TMEM61: variants seen among roughly 807,000 people sequenced by gnomAD.
TMEM61 encodes the protein transmembrane protein 61.
A neutral mutation model predicts 12.0 loss-of-function variants in TMEM61; 13 were observed. That is an observed-to-expected ratio of 1.08 (90% CI 0.70 to 1.72). The LOEUF (loss-of-function observed/expected upper bound fraction) is 1.72, where lower values mean the gene tolerates loss of function less well. Ranked by LOEUF, TMEM61 falls within the 40% of genes most tolerant of loss-of-function variation. The pLI is 0.00. For synonymous variants in TMEM61, 109 were observed against 121.4 expected (o/e 0.90, Z 0.67); for missense variants, 249 against 276.9 (o/e 0.90, Z 0.71).
intron 2 of TMEM61, among the ~76,000 whole-genome samples, chr1:54,991,153 G>C (rs931265758): frequency 2.6e-5 from 4 of 152,204 alleles, no homozygotes; most frequent in Non-Finnish European, 5.9e-5. Flanking sequence ...CTGGGGCGTG[G>C]GTGATCTGTC....
intron 1 of TMEM61, among the ~76,000 whole-genome samples, chr1:54,982,084 T>A (rs1644226661): frequency 6.6e-6 from 1 of 152,198 alleles, no homozygotes; most frequent in South Asian, 2.1e-4. Flanking sequence ...GCCTGCCGTC[T>A]TGCCATCTCA....
Position 54,992,183 on chromosome 1 carries a change from A to G in TMEM61, c.*80A>G. 1 of 1,511,902 alleles carries G rather than the reference A, an allele frequency of 6.6e-7. No homozygotes were observed. Among genetic ancestry groups the G allele is most frequent in the Non-Finnish European group, 8.9e-7 (1 of 1,125,756 alleles). 93.7% of individuals were successfully genotyped at this position (1,511,902 alleles called of 1,614,324 possible). ...TCTTATGCAGTGCCTGGGACACAGT[A>G]GGCACTCAGCAAACGTTCGTTGTTG... is the stretch of plus-strand genomic sequence containing the variant. On this transcript the variant is annotated 3_prime_UTR_variant, in exon 3 of 3. Coordinates refer to ENST00000371268, the MANE Select transcript of TMEM61 (RefSeq NM_182532.3).
Position 54,981,002 on chromosome 1 carries a change from C to T in TMEM61, c.-64C>T. On this transcript the variant is annotated 5_prime_UTR_variant, in exon 1 of 3. Coordinates refer to ENST00000371268, the MANE Select transcript of TMEM61 (RefSeq NM_182532.3). ...GTCGCTCAGCCCTGGCGTCCTCCACCACCACACCTTCACCTGCGCCCGGCT... is the reference window on the plus strand; with the variant it reads ...GTCGCTCAGCCCTGGCGTCCTCCACTACCACACCTTCACCTGCGCCCGGCT... 2 of 1,516,180 alleles carry T rather than the reference C, an allele frequency of 1.3e-6. No homozygotes were observed. The highest frequency in any genetic ancestry group is 2.5e-5 in the East Asian group (1 of 39,580). 93.9% of individuals were successfully genotyped at this position (1,516,180 alleles called of 1,614,324 possible).
intron 1 of TMEM61, among the ~76,000 whole-genome samples, chr1:54,983,268 C>G (rs577447616): frequency 1.3e-5 from 2 of 151,970 alleles, no homozygotes; most frequent in African/African-American, 4.8e-5. Flanking sequence ...TGCCCACCAC[C>G]ACGCCTGGCT....
At chr1:54,986,826 T>G (rs1029603859) in intron 2 of TMEM61, among the ~76,000 whole-genome samples, 7 of 151,844 alleles carry the variant, frequency 4.6e-5, no homozygotes, top group African/African-American at 1.7e-4. Context: ...GTTCTGGTTC[T>G]ATCACAAACT....
intron 1 of TMEM61, among the ~76,000 whole-genome samples, chr1:54,985,722 G>A (rs1183519364): frequency 1.3e-5 from 2 of 152,104 alleles, no homozygotes; most frequent in Non-Finnish European, 1.5e-5. Context: ...CCTGATCCTG[G>A]CAGGCCTGGA....
At chr1:54,988,262 G>C (rs988426671) in intron 2 of TMEM61, among the ~76,000 whole-genome samples, 1 of 152,230 alleles carries the variant, frequency 6.6e-6, no homozygotes, top group African/African-American at 2.4e-5. Flanking sequence ...GTGAGTGCAG[G>C]GGGTGGGTGT....
chr1:54,980,694 G>A lies in TMEM61; in HGVS notation c.-372G>A. On this transcript the variant is annotated 5_prime_UTR_variant, in exon 1 of 3. Transcript: ENST00000371268. ...GTGGGGCGGGCGTCACCACCGGAGT[G>A]GAGGGCGAGGCCCGGGTCCCGCGCT... The A allele has an allele frequency of 4.7e-6, 1 of 213,648 alleles. No individual in the cohort carries two copies. Among genetic ancestry groups the A allele is most frequent in the East Asian group, 9.6e-5 (1 of 10,398 alleles). 13.2% of individuals were successfully genotyped at this position (213,648 alleles called of 1,614,324 possible). A position where few individuals can be genotyped will look rare whatever the true frequency, so the allele number is the denominator to read the frequency against.
rs1570254403 is a variant in TMEM61 at position 54,980,777 on chromosome 1, C to T, written c.-289C>T. On this transcript the variant is annotated 5_prime_UTR_variant, in exon 1 of 3. Transcript: ENST00000371268. ...CGCGGGGAGCGCGCAGCCCTCGGGGCGGGCGCCGGGGTGAGGCCTGGCTCG... is the reference window on the plus strand; with the variant it reads ...CGCGGGGAGCGCGCAGCCCTCGGGGTGGGCGCCGGGGTGAGGCCTGGCTCG... The T allele has an allele frequency of 4.1e-5, 14 of 340,828 alleles. No individual in the cohort carries two copies. In the East Asian group the frequency reaches 5.6e-4, roughly 14 times the overall value. 21.1% of individuals were successfully genotyped at this position (340,828 alleles called of 1,614,324 possible).
intron 1 of TMEM61, among the ~76,000 whole-genome samples, chr1:54,985,219 ATGTG>A (rs35817239): frequency 0.016 from 2,394 of 149,782 alleles, 52 homozygotes; most frequent in African/African-American, 0.048. Context: ...GAACGTGTGT[ATGTG>A]TGTGTGTGTG....
intron 1 of TMEM61, among the ~76,000 whole-genome samples, chr1:54,983,400 G>A (rs963674545): frequency 4.6e-5 from 7 of 152,000 alleles, no homozygotes; most frequent in Admixed American, 4.6e-4. Flanking sequence ...TGGGATTACA[G>A]GTGTGAGCCA....
chr1:54,985,229 G>A (rs1177707916), intron 1 of TMEM61, among the ~76,000 whole-genome samples: 1 of 130,180 alleles, frequency 7.7e-6, no homozygotes, highest in African/African-American at 2.5e-5. Flanking sequence ...ATGTGTGTGT[G>A]TGTGTGTGTG....
At chr1:54,986,503 C>A in intron 2 of TMEM61, 57 bp downstream of exon 2, 1 of 1,359,128 alleles carries the variant, frequency 7.4e-7, no homozygotes, top group South Asian at 1.4e-5. Context: ...CCCAGTCACA[C>A]CAGCCCACCA....
At chr1:54,985,996 C>T in intron 1 of TMEM61, 101 bp from the exon 2 acceptor site, 1 of 1,077,262 alleles carries the variant, frequency 9.3e-7, no homozygotes, top group Non-Finnish European at 1.3e-6. Flanking sequence ...TAAGTGACTT[C>T]TCCAAGGTTG....
chr1:54,984,140 C>A, intron 1 of TMEM61, among the ~76,000 whole-genome samples: 1 of 152,308 alleles, frequency 6.6e-6, no homozygotes, highest in South Asian at 2.1e-4. Context: ...GCATCTTGAA[C>A]ATTTGCCATG....
chr1:54,983,694 G>T (rs1282912895), intron 1 of TMEM61, among the ~76,000 whole-genome samples: 1 of 152,182 alleles, frequency 6.6e-6, no homozygotes, highest in Non-Finnish European at 1.5e-5. Context: ...TATAAAGGGG[G>T]ACTGTTGAGT....
rs751368104 is a variant in TMEM61 at position 54,981,016 on chromosome 1, C to T, written c.-50C>T. 6.5e-7 allele frequency: 1 copy of T among 1,535,562 alleles called. No individual in the cohort carries two copies. Among genetic ancestry groups the T allele is most frequent in the East Asian group, 2.5e-5 (1 of 40,242 alleles). ...GCGTCCTCCACCACCACACCTTCAC[C>T]TGCGCCCGGCTCCCTGCGCGCCTGG... On this transcript the variant is annotated 5_prime_UTR_variant, in exon 1 of 3. Coordinates refer to ENST00000371268, the MANE Select transcript of TMEM61 (RefSeq NM_182532.3).
intron 1 of TMEM61, 26 bp downstream of exon 1, chr1:54,981,106 C>T: frequency 6.3e-7 from 1 of 1,581,748 alleles, no homozygotes; most frequent in Non-Finnish European, 8.6e-7. Flanking sequence ...CTTCTCCCTC[C>T]TTTACGGGCA....
chr1:54,981,449 C>G (rs1343759729), intron 1 of TMEM61, among the ~76,000 whole-genome samples: 1 of 152,124 alleles, frequency 6.6e-6, no homozygotes, highest in Non-Finnish European at 1.5e-5. Flanking sequence ...GAAACCCTGT[C>G]TCTACTAAAA....
Sources: allele counts gnomAD v4.1 joint callset (sites outside exome capture counted in the v4.1 genomes callset), GRCh38; gene constraint gnomAD v4.1.1; transcripts MANE v1.5; gene names NCBI Gene and HGNC (gene_info 2026-07-23, HGNC 2026-07-21).